The following LINGO2 variants were observed in gnomAD, a reference collection of about 807,000 sequenced individuals.
LINGO2 encodes the protein leucine-rich repeat and immunoglobulin-like domain-containing nogo receptor-interacting protein 2.
In LINGO2, 14 loss-of-function variants were observed where a neutral mutation model predicts 30.6. The observed-to-expected ratio is 0.46, with a 90% CI of 0.30 to 0.72. LINGO2 has a LOEUF of 0.72. Among genes scored for constraint, LINGO2 ranks in the 30% least tolerant of loss-of-function variants. The pLI, the probability that LINGO2 is intolerant of heterozygous loss-of-function variation, is 0.07. For missense variants in LINGO2, 729 were observed against 751.7 expected, an observed-to-expected ratio of 0.97 and a Z score of 0.35; for synonymous variants, 317 against 288.5, an observed-to-expected ratio of 1.10 and a Z score of -1.00.
At chr9:28,942,157 A>C in the LINGO2 span, among the ~76,000 whole-genome samples, 1 of 152,212 alleles carries the variant, frequency 6.6e-6, no homozygotes, top group Non-Finnish European at 1.5e-5. Context: ...AAGGAAAAGT[A>C]GAAAAGCAGA....
the LINGO2 span, among the ~76,000 whole-genome samples, chr9:28,987,727 G>A: frequency 6.6e-6 from 1 of 151,790 alleles, no homozygotes; most frequent in African/African-American, 2.4e-5. Context: ...CATAATTTTG[G>A]TGTGTCATAT....
At chr9:28,572,123 A>C (rs939319338) in intron 1 of LINGO2, among the ~76,000 whole-genome samples, 3 of 151,974 alleles carry the variant, frequency 2.0e-5, no homozygotes, top group African/African-American at 4.8e-5. Flanking sequence ...CAGCCCTGAC[A>C]TTTCTCCAGG....
chr9:28,095,001 T>C (rs928485649), intron 4 of LINGO2, among the ~76,000 whole-genome samples: 1 of 152,152 alleles, frequency 6.6e-6, no homozygotes, highest in African/African-American at 2.4e-5. Flanking sequence ...TGTAATATAA[T>C]ATTTTAAAAA....
At chr9:28,516,416 T>C (rs1165689177) in intron 1 of LINGO2, among the ~76,000 whole-genome samples, 1 of 152,218 alleles carries the variant, frequency 6.6e-6, no homozygotes, top group Non-Finnish European at 1.5e-5. Context: ...ACGACTTCAC[T>C]GTGGACTAAG....
chr9:29,096,217 C>A, the LINGO2 span, among the ~76,000 whole-genome samples: 1 of 139,276 alleles, frequency 7.2e-6, no homozygotes. Flanking sequence ...TTTCAGCCAA[C>A]CTCTTCCCTG....
the LINGO2 span, among the ~76,000 whole-genome samples, chr9:28,895,502 T>C: frequency 1.9e-4 from 29 of 152,272 alleles, no homozygotes; most frequent in African/African-American, 6.3e-4. Context: ...TATTAATCTT[T>C]ATAGCCAAGG....
At chr9:28,954,425 A>G in the LINGO2 span, among the ~76,000 whole-genome samples, 1 of 152,276 alleles carries the variant, frequency 6.6e-6, no homozygotes, top group South Asian at 2.1e-4. Flanking sequence ...GTTATAAAAA[A>G]TAATGCATAC....
intron 2 of LINGO2, among the ~76,000 whole-genome samples, chr9:28,415,949 C>T (rs940018425): frequency 1.4e-4 from 22 of 152,120 alleles, no homozygotes; most frequent in African/African-American, 5.3e-4. Flanking sequence ...GTGTTTAACA[C>T]TATTCAGTTT....
At chr9:28,649,656 A>C (rs1827998693) in intron 1 of LINGO2, among the ~76,000 whole-genome samples, 1 of 152,154 alleles carries the variant, frequency 6.6e-6, no homozygotes, top group Non-Finnish European at 1.5e-5. Flanking sequence ...GAAAGTAGTT[A>C]AGAAATTGTA....
the LINGO2 span, among the ~76,000 whole-genome samples, chr9:29,177,802 T>C: frequency 6.6e-6 from 1 of 152,108 alleles, no homozygotes; most frequent in African/African-American, 2.4e-5. Flanking sequence ...AGTGTCAGTA[T>C]CATCATGTTG....
At chr9:28,837,400 C>G in the LINGO2 span, among the ~76,000 whole-genome samples, 1 of 151,676 alleles carries the variant, frequency 6.6e-6, no homozygotes, top group Admixed American at 6.6e-5. Flanking sequence ...AATCTCAGCA[C>G]TTTGGGAGGC....
At chr9:28,187,970 G>C (rs904314068) in intron 4 of LINGO2, among the ~76,000 whole-genome samples, 1 of 151,924 alleles carries the variant, frequency 6.6e-6, no homozygotes, top group African/African-American at 2.4e-5. Flanking sequence ...CCTTGTTCTC[G>C]TCACCTCAGA....
At chr9:29,193,210 T>C in the LINGO2 span, among the ~76,000 whole-genome samples, 1 of 152,202 alleles carries the variant, frequency 6.6e-6, no homozygotes, top group African/African-American at 2.4e-5. Context: ...CCACTGCCTT[T>C]GTTTAGGACC....
chr9:28,677,871 C>T, the LINGO2 span, among the ~76,000 whole-genome samples: 6 of 151,870 alleles, frequency 4.0e-5, no homozygotes, highest in Non-Finnish European at 5.9e-5. Context: ...AAATCCAAAC[C>T]GAGAAACCAA....
At chr9:27,938,743 G>A in the LINGO2 span, 1 of 152,164 alleles carries the variant, frequency 6.6e-6, no homozygotes, top group South Asian at 2.1e-4. Context: ...GAAACACAGA[G>A]CTAAGGTTTA....
At chr9:28,218,536 A>G (rs1820849331) in intron 4 of LINGO2, among the ~76,000 whole-genome samples, 1 of 152,102 alleles carries the variant, frequency 6.6e-6, no homozygotes, top group Non-Finnish European at 1.5e-5. Context: ...ATGGCCTCTA[A>G]TAATTTTGTA....
the LINGO2 span, among the ~76,000 whole-genome samples, chr9:28,811,422 T>C: frequency 6.6e-6 from 1 of 152,160 alleles, no homozygotes; most frequent in Admixed American, 6.5e-5. Flanking sequence ...AAAACATGAA[T>C]GAAACCTTGT....
At chr9:27,977,517 C>T (rs1820656933) in intron 5 of LINGO2, among the ~76,000 whole-genome samples, 1 of 151,908 alleles carries the variant, frequency 6.6e-6, no homozygotes, top group Non-Finnish European at 1.5e-5. Flanking sequence ...TAAAAATAAT[C>T]TATTCAGAAG....
chr9:27,987,270 A>C (rs541498556), intron 5 of LINGO2, among the ~76,000 whole-genome samples: 1 of 151,802 alleles, frequency 6.6e-6, no homozygotes, highest in South Asian at 2.1e-4. Context: ...TGTAGTCAGG[A>C]TATTTCCCTC....
Sources: allele counts gnomAD v4.1 joint callset (sites outside exome capture counted in the v4.1 genomes callset), GRCh38; gene constraint gnomAD v4.1.1; transcripts MANE v1.5; gene names NCBI Gene and HGNC (gene_info 2026-07-23, HGNC 2026-07-21).